The following SAMD4A variants were observed in gnomAD, a reference collection of about 807,000 sequenced individuals.
The protein encoded by SAMD4A is protein Smaug homolog 1.
A neutral mutation model predicts 81.3 loss-of-function variants in SAMD4A; 33 were observed. The ratio of observed to expected loss-of-function variants is 0.41; its 90% CI spans 0.31 to 0.54. The LOEUF is 0.54. Among genes scored for constraint, SAMD4A ranks in the 20% least tolerant of loss-of-function variants. The pLI, the probability that SAMD4A is intolerant of heterozygous loss-of-function variation, is 0.37. For synonymous variants in SAMD4A, 389 were observed against 382.1 expected, an observed-to-expected ratio of 1.02 and a Z score of -0.21; for missense variants, 854 against 951.1, an observed-to-expected ratio of 0.90 and a Z score of 1.34.
At chr14:54,565,667 G>A (rs2032907096), upstream of SAMD4A, among the ~76,000 whole-genome samples, 1 of 152,082 alleles carries the variant, frequency 6.6e-6, no homozygotes, top group African/African-American at 2.4e-5. The surrounding 1 kb of genome is among the most constrained non-coding windows in gnomAD (Gnocchi z 5.4). Flanking sequence ...AGGGTCAGCC[G>A]AGCGGACGAA....
At chr14:54,576,001 CTTTTTTTTTTTT>C (rs57819180) in intron 2 of SAMD4A, among the ~76,000 whole-genome samples, 6 of 79,998 alleles carry the variant, frequency 7.5e-5, no homozygotes, top group East Asian at 5.0e-4. Context: ...TTCTTTCTTT[CTTTTTTTTTTTT>C]TTTTTTTTTT....
At position 54,748,116 on chromosome 14, in the gene SAMD4A, A is replaced by T. The variant is rs560244475; in HGVS notation, c.980-699A>T. ...TGGTTGACAATCAAGTAAAAAGTCAAAGATGCATCCGGATACATTCCATAG... is the reference window on the plus strand; with the variant it reads ...TGGTTGACAATCAAGTAAAAAGTCATAGATGCATCCGGATACATTCCATAG... On this transcript the variant is annotated intron_variant, in intron 4 of 12. Transcript: ENST00000554335. Among the ~76,000 whole-genome samples the T allele has an allele frequency of 4.7e-4, 71 of 152,326 alleles. 1 individual carries two copies. Among genetic ancestry groups the T allele is most frequent in the South Asian group, 2.3e-3 (11 of 4,820 alleles).
At chr14:54,656,442 A>G (rs539461860) in intron 2 of SAMD4A, among the ~76,000 whole-genome samples, 1 of 152,044 alleles carries the variant, frequency 6.6e-6, no homozygotes, top group African/African-American at 2.4e-5. Context: ...TTTGGCCTTT[A>G]CCCCTTGAGT....
At chr14:54,685,537 C>A in intron 2 of SAMD4A, 1 of 369,894 alleles carries the variant, frequency 2.7e-6, no homozygotes, top group Non-Finnish European at 5.4e-6. Flanking sequence ...CACCTTATGA[C>A]TTGTGAATAA....
At chr14:54,788,112 T>C (rs2039187107) in intron 12 of SAMD4A, among the ~76,000 whole-genome samples, 1 of 152,142 alleles carries the variant, frequency 6.6e-6, no homozygotes, top group Admixed American at 6.5e-5. Flanking sequence ...ACTGTTCAGT[T>C]CTAAGTGCCC....
chr14:54,665,209 T>C (rs1265625020), intron 2 of SAMD4A, among the ~76,000 whole-genome samples: 1 of 152,206 alleles, frequency 6.6e-6, no homozygotes, highest in Non-Finnish European at 1.5e-5. Context: ...ATAAAAGCCA[T>C]ATGAATGTGC....
At chr14:54,616,785 TGTA>T (rs2034501931) in intron 2 of SAMD4A, among the ~76,000 whole-genome samples, 1 of 152,230 alleles carries the variant, frequency 6.6e-6, no homozygotes, top group Non-Finnish European at 1.5e-5. Flanking sequence ...TCACCAACCT[TGTA>T]GTTTTTATTT....
intron 3 of SAMD4A, among the ~76,000 whole-genome samples, chr14:54,707,778 A>G (rs779723314): frequency 2.0e-5 from 3 of 152,084 alleles, no homozygotes; most frequent in Non-Finnish European, 4.4e-5. Context: ...AAGCAGAGAT[A>G]AAGCTGGAGC....
At chr14:54,776,815 G>C (rs2038862903) in intron 11 of SAMD4A, among the ~76,000 whole-genome samples, 1 of 152,100 alleles carries the variant, frequency 6.6e-6, no homozygotes, top group African/African-American at 2.4e-5. Context: ...GATAGCACAA[G>C]AGGGCTTTGG....
intron 3 of SAMD4A, among the ~76,000 whole-genome samples, chr14:54,721,830 C>T (rs973011800): frequency 1.3e-5 from 2 of 152,132 alleles, no homozygotes; most frequent in Non-Finnish European, 2.9e-5. Flanking sequence ...TGCTGTTCTG[C>T]TTAGTTCTAA....
At chr14:54,758,675 C>CA (rs1398897495) in intron 6 of SAMD4A, among the ~76,000 whole-genome samples, 1 of 152,076 alleles carries the variant, frequency 6.6e-6, no homozygotes, top group Non-Finnish European at 1.5e-5. Flanking sequence ...GCTAAAAATA[C>CA]AAAAATTAGT....
Position 54,643,202 on chromosome 14 carries a change from C to T in SAMD4A, c.197-58860C>T, listed in dbSNP as rs1042265103. 3.9e-5 allele frequency among the ~76,000 whole-genome samples: 6 copies of T among 152,324 alleles called. No homozygotes were observed. The South Asian group carries it at 6.2e-4, about 16-fold the overall frequency. On this transcript the variant is annotated intron_variant, in intron 2 of 12. Transcript: ENST00000554335. Reference sequence around the variant, plus strand: ...CTCAATTCACTTCTCTTTAAAACATCTAGGTTTGAAAAAGAACTCTAAGGG... The same window carrying T: ...CTCAATTCACTTCTCTTTAAAACATTTAGGTTTGAAAAAGAACTCTAAGGG...
At position 54,761,541 on chromosome 14, in the gene SAMD4A, T is replaced by C. The variant is rs148612674; in HGVS notation, c.1510+1047T>C. Among the ~76,000 whole-genome samples the C allele has an allele frequency of 2.5e-3, 383 of 152,352 alleles. 2 individuals carry two copies. Among genetic ancestry groups the C allele is most frequent in the African/African-American group, 8.8e-3 (365 of 41,584 alleles). On this transcript the variant is annotated intron_variant, in intron 7 of 12. Transcript: ENST00000554335. Reference sequence around the variant, plus strand: ...TATTTTCCTGGCTTCTGAGCCTTTGTGCACACCTCCCCCTCTGCCTAGAAC... The same window carrying C: ...TATTTTCCTGGCTTCTGAGCCTTTGCGCACACCTCCCCCTCTGCCTAGAAC...
At chr14:54,640,943 C>G (rs2035160422) in intron 2 of SAMD4A, among the ~76,000 whole-genome samples, 1 of 152,222 alleles carries the variant, frequency 6.6e-6, no homozygotes, top group South Asian at 2.1e-4. Flanking sequence ...TAGGAGTTCA[C>G]AGGTTTCTTC....
At chr14:54,748,509 C>T (rs1246515878) in intron 4 of SAMD4A, among the ~76,000 whole-genome samples, 1 of 152,146 alleles carries the variant, frequency 6.6e-6, no homozygotes, top group Non-Finnish European at 1.5e-5. Flanking sequence ...CCAGAAAACT[C>T]CCCATCTACT....
At chr14:54,706,436 C>T (rs2036859405) in intron 3 of SAMD4A, among the ~76,000 whole-genome samples, 1 of 151,942 alleles carries the variant, frequency 6.6e-6, no homozygotes, top group African/African-American at 2.4e-5. Context: ...GAAACCCTAT[C>T]TCTACTAAAC....
At chr14:54,618,677 C>T (rs1186223122) in intron 2 of SAMD4A, among the ~76,000 whole-genome samples, 1 of 152,110 alleles carries the variant, frequency 6.6e-6, no homozygotes, top group Non-Finnish European at 1.5e-5. Flanking sequence ...TGGAGAGTTA[C>T]CAAGTTACTA....
At chr14:54,708,109 T>C (rs1594840964) in intron 3 of SAMD4A, among the ~76,000 whole-genome samples, 2 of 152,228 alleles carry the variant, frequency 1.3e-5, no homozygotes, top group Admixed American at 1.3e-4. Context: ...TAAGAGTCTG[T>C]TGCAGTAATC....
rs2140095307 is a variant in SAMD4A, at chr14:54,568,196, G to A, written c.196+84G>A. The A allele has an allele frequency of 6.3e-6, 8 of 1,268,296 alleles. No individual in the cohort carries two copies. In the South Asian group the frequency reaches 1.0e-4, roughly 16 times the overall value. The allele number at this position is 1,268,296 out of a possible 1,614,324, so 78.6% of individuals were successfully genotyped here. On this transcript the variant is annotated intron_variant, in intron 2 of 12. Coordinates refer to ENST00000554335, the MANE Select transcript of SAMD4A (RefSeq NM_015589.6). Reference sequence around the variant, plus strand: ...GCTTCTCTGCCTCGGGCCAGGCCGAGGCCAGTCCCTGCCAGCCGCGCCGGG... The same window carrying A: ...GCTTCTCTGCCTCGGGCCAGGCCGAAGCCAGTCCCTGCCAGCCGCGCCGGG...
Sources: allele counts gnomAD v4.1 joint callset (sites outside exome capture counted in the v4.1 genomes callset), GRCh38; gene constraint gnomAD v4.1.1; non-coding constraint Gnocchi (gnomAD v3.1); transcripts MANE v1.5; gene names NCBI Gene and HGNC (gene_info 2026-07-23, HGNC 2026-07-21).